The following SHB variants were observed in gnomAD, a reference collection of about 807,000 sequenced individuals.
SHB encodes SH2 domain-containing adapter protein B.
In SHB, 20 loss-of-function variants were observed where a neutral mutation model predicts 52.3. The observed-to-expected ratio is 0.38, with a 90% CI of 0.27 to 0.56. The LOEUF (loss-of-function observed/expected upper bound fraction) is 0.56. SHB is among the 20% of genes least tolerant of loss of function. SHB has a pLI of 0.71. For synonymous variants in SHB, 397 were observed against 316.5 expected, an observed-to-expected ratio of 1.25 and a Z score of -2.70; for missense variants, 825 against 723.3, an observed-to-expected ratio of 1.14 and a Z score of -1.61.
chr9:37,972,189 G>A lies in SHB; in HGVS notation c.1054+2433C>T, dbSNP rs188729272. 7.9e-5 allele frequency among the ~76,000 whole-genome samples: 12 copies of A among 152,328 alleles called. No homozygotes were observed. In the East Asian group the frequency reaches 2.3e-3, roughly 29 times the overall value. ...CTGCATTATAATGTGGGTCCTCGGT[G>A]TCTGGGAAAGTTGTCACATGAGCCT... On this transcript the variant is annotated intron_variant, in intron 3 of 5. Coordinates refer to ENST00000377707, the MANE Select transcript of SHB (RefSeq NM_003028.3).
intron 2 of SHB, among the ~76,000 whole-genome samples, chr9:38,007,332 C>A (rs148319288): frequency 3.3e-5 from 5 of 152,278 alleles, no homozygotes; most frequent in Middle Eastern, 3.4e-3. Flanking sequence ...TTTACTGGGC[C>A]CAGAAGAGAA....
chr9:37,923,994 C>T (rs944102066), intron 5 of SHB, among the ~76,000 whole-genome samples: 3 of 152,238 alleles, frequency 2.0e-5, no homozygotes, highest in Non-Finnish European at 4.4e-5. Flanking sequence ...GCACCATCGT[C>T]GTTCAGGGAG....
At chr9:37,960,773 T>C (rs918443959) in intron 3 of SHB, among the ~76,000 whole-genome samples, 5 of 152,172 alleles carry the variant, frequency 3.3e-5, no homozygotes, top group African/African-American at 1.2e-4. Flanking sequence ...CCAAGACACC[T>C]AGCTTAGCTC....
chr9:37,962,876 C>T (rs899341271), intron 3 of SHB, among the ~76,000 whole-genome samples: 1 of 152,182 alleles, frequency 6.6e-6, no homozygotes, highest in Non-Finnish European at 1.5e-5. Flanking sequence ...TTAAAGTCCA[C>T]GTTCTCCTCT....
intron 1 of SHB, among the ~76,000 whole-genome samples, chr9:38,043,871 A>G (rs1821611893): frequency 6.6e-6 from 1 of 151,378 alleles, no homozygotes. Flanking sequence ...CCTGAGGAAC[A>G]GGAGCAAAAC....
intron 5 of SHB, among the ~76,000 whole-genome samples, chr9:37,944,567 G>C (rs925917150): frequency 1.3e-5 from 2 of 152,162 alleles, no homozygotes; most frequent in Non-Finnish European, 1.5e-5. Flanking sequence ...TCCAGTCTTG[G>C]CTCTGCTGTG....
At chr9:37,979,537 T>C (rs191548163) in intron 2 of SHB, among the ~76,000 whole-genome samples, 28 of 151,562 alleles carry the variant, frequency 1.8e-4, no homozygotes, top group African/African-American at 6.5e-4. Flanking sequence ...CCTGAGAGGA[T>C]GTGATGGGGG....
At chr9:38,040,402 G>C (rs1316025192) in intron 1 of SHB, among the ~76,000 whole-genome samples, 1 of 152,220 alleles carries the variant, frequency 6.6e-6, no homozygotes, top group Non-Finnish European at 1.5e-5. Flanking sequence ...CCTAAAGGGG[G>C]GGCTTGGGAA....
chr9:38,009,926 G>A (rs530161264), intron 2 of SHB, among the ~76,000 whole-genome samples: 1 of 152,328 alleles, frequency 6.6e-6, no homozygotes, highest in East Asian at 1.9e-4. Context: ...AAAATTATGT[G>A]AAAATGCTTT....
At position 38,016,119 on chromosome 9, in the gene SHB, C is replaced by A. The variant is rs779348763; in HGVS notation, c.730G>T (p.Asp244Tyr). 2 of 1,614,170 alleles carry A rather than the reference C, an allele frequency of 1.2e-6. No individual in the cohort carries two copies. Among genetic ancestry groups the A allele is most frequent in the East Asian group, 2.2e-5 (1 of 44,884 alleles). The change falls in exon 2 of 6, where the codon GAT (aspartate) becomes TAT (tyrosine). Residue 244 changes from aspartate to tyrosine, a missense_variant. Transcript: ENST00000377707. Reference protein sequence around the residue: ...AGKKDKVTIADDYSDPFDAKN... With the variant: ...AGKKDKVTIAYDYSDPFDAKN... ...GCATCAAAGGGATCTGAGTAGTCATCGGCTATGGTCACCTGCAGGGAGGAA... is the reference window on the plus strand; with the variant it reads ...GCATCAAAGGGATCTGAGTAGTCATAGGCTATGGTCACCTGCAGGGAGGAA...
chr9:37,968,101 A>G (rs1456371848), intron 3 of SHB, among the ~76,000 whole-genome samples: 3 of 152,248 alleles, frequency 2.0e-5, no homozygotes, highest in Non-Finnish European at 4.4e-5. Context: ...TTCTTTATGC[A>G]ACATGGTTTT....
chr9:37,974,194 T>G (rs1820625129), intron 3 of SHB, among the ~76,000 whole-genome samples: 1 of 152,090 alleles, frequency 6.6e-6, no homozygotes, highest in South Asian at 2.1e-4. Flanking sequence ...AGATGGAGGT[T>G]GCGGTGAGCC....
intron 2 of SHB, among the ~76,000 whole-genome samples, chr9:37,978,385 T>C (rs768232797): frequency 1.3e-5 from 2 of 152,186 alleles, no homozygotes; most frequent in Admixed American, 6.5e-5. Flanking sequence ...CTACATTACA[T>C]GGCGAATTCA....
intron 1 of SHB, among the ~76,000 whole-genome samples, chr9:38,043,286 A>G (rs907184592): frequency 1.3e-5 from 2 of 152,248 alleles, no homozygotes; most frequent in East Asian, 1.9e-4. Context: ...CACTGTGCCT[A>G]TGCCTGGGGA....
chr9:37,932,603 A>G (rs1832326106), intron 5 of SHB, among the ~76,000 whole-genome samples: 1 of 148,830 alleles, frequency 6.7e-6, no homozygotes, highest in African/African-American at 2.5e-5. Flanking sequence ...AAGGTGAGGG[A>G]TATGTTAATT....
At chr9:38,042,270 A>C (rs1416352409) in intron 1 of SHB, among the ~76,000 whole-genome samples, 4 of 152,226 alleles carry the variant, frequency 2.6e-5, no homozygotes, top group Non-Finnish European at 5.9e-5. Context: ...ACACAGTAAG[A>C]GCTCACTATG....
chr9:38,036,075 G>C (rs1254661127), intron 1 of SHB, among the ~76,000 whole-genome samples: 1 of 152,106 alleles, frequency 6.6e-6, no homozygotes, highest in Non-Finnish European at 1.5e-5. Context: ...CAAAGAATCT[G>C]AGCCCAAGAT....
At chr9:38,008,719 A>T (rs1821102078) in intron 2 of SHB, among the ~76,000 whole-genome samples, 1 of 152,060 alleles carries the variant, frequency 6.6e-6, no homozygotes, top group Non-Finnish European at 1.5e-5. Flanking sequence ...TCCTGCCATG[A>T]TCCAGCTGGG....
At chr9:37,977,585 A>C (rs1820670688) in intron 2 of SHB, among the ~76,000 whole-genome samples, 1 of 152,220 alleles carries the variant, frequency 6.6e-6, no homozygotes, top group Non-Finnish European at 1.5e-5. Flanking sequence ...GGAAAAGAGA[A>C]GGGAAAAGAG....
Sources: gnomAD v4.1 joint callset for allele counts (sites outside exome capture counted in the v4.1 genomes callset) on GRCh38, gnomAD v4.1.1 for gene constraint, MANE v1.5 for transcripts, NCBI Gene and HGNC (gene_info 2026-07-23, HGNC 2026-07-21) for gene names.